Variants in XKR3 observed in about 807,000 individuals in gnomAD.
XKR3 encodes XK-related protein 3.
XKR3 carries 27 observed loss-of-function variants against 40.3 expected under a neutral mutation model. The observed-to-expected ratio is 0.67, with a 90% CI of 0.49 to 0.92. The LOEUF is 0.92. Among genes scored for constraint, XKR3 ranks in the 40% least tolerant of loss-of-function variants. The probability of loss-of-function intolerance (pLI) is 0.00; values close to 1 mark genes in which losing one functional copy is unlikely to be tolerated. For synonymous variants in XKR3, 193 were observed against 195.4 expected (o/e 0.99, Z 0.10); for missense variants, 472 against 537.6 (o/e 0.88, Z 1.21).
rs9605146 is a variant in XKR3, at chr22:16,784,304, G to A, written c.695C>T (p.Pro232Leu). 610,965 of 1,613,668 alleles carry A rather than the reference G, an allele frequency of 0.38. 117,528 individuals are homozygous for A. The highest frequency in any genetic ancestry group is 0.45 in the African/African-American group (33,724 of 74,940). Residue 232 changes from proline (P) to leucine (L), a missense_variant, in exon 4 of 4, where the codon CCG becomes CTG. Pro to Leu is a moderately conservative substitution (Grantham distance 98). Transcript: ENST00000684488. ...CATCACGACACAGAAGAATTCTATC[G>A]GCGGTAGCTTAATGGTAGTATCATC... ...SNDDTTIKLP[P>L]IEFFCVVMWR...
rs1318762536 is a variant in XKR3 at position 16,799,804 on chromosome 22, T to G, written c.556A>C (p.Ser186Arg). 1 of 1,614,128 alleles carries G rather than the reference T, an allele frequency of 6.2e-7. No individual in the cohort carries two copies. The highest frequency in any genetic ancestry group is 1.1e-5 in the South Asian group (1 of 91,078). Residue 186 changes from serine to arginine, a missense_variant, in exon 3 of 4, where the codon AGT (serine) becomes CGT (arginine). Coordinates refer to ENST00000684488, the MANE Select transcript of XKR3 (RefSeq NM_001386955.1). ...VPQLILQMYI[S>R]LTIREWPLNR... is the part of the protein sequence containing the mutation. Reference sequence around the variant, plus strand: ...AAAGGCCATTCTCGTATAGTGAGACTGATATACATCTGCAAAATTAATTGT... The same window carrying G: ...AAAGGCCATTCTCGTATAGTGAGACGGATATACATCTGCAAAATTAATTGT...
intron 1 of XKR3, among the ~76,000 whole-genome samples, chr22:16,822,076 C>CA (rs2060259109): frequency 6.6e-6 from 1 of 151,874 alleles, no homozygotes; most frequent in South Asian, 2.1e-4. Flanking sequence ...TATAAAATGA[C>CA]AAAAACTGAA....
intron 1 of XKR3, among the ~76,000 whole-genome samples, chr22:16,817,039 CTT>C (rs1470874680): frequency 6.6e-6 from 1 of 152,042 alleles, no homozygotes; most frequent in Non-Finnish European, 1.5e-5. Context: ...AACTGGCAAA[CTT>C]ACTTTCAGAT....
Position 16,817,223 on chromosome 22 carries a change from A to C in XKR3, c.-11+8068T>G, listed in dbSNP as rs375756657. Among the ~76,000 whole-genome samples the C allele has an allele frequency of 9.3e-4, 142 of 152,120 alleles. 1 individual carries two copies. The highest frequency in any genetic ancestry group is 3.1e-3 in the African/African-American group (128 of 41,548). On this transcript the variant is annotated intron_variant, in intron 1 of 3. Transcript: ENST00000684488. ...TCCTACTCACCTGTTTTGCCTTTAG[A>C]TTCCATTTATTCATCTCAGAGAACA... is the stretch of plus-strand genomic sequence containing the variant.
intron 1 of XKR3, among the ~76,000 whole-genome samples, chr22:16,824,608 A>T (rs2060267269): frequency 6.6e-6 from 1 of 152,134 alleles, no homozygotes; most frequent in African/African-American, 2.4e-5. Flanking sequence ...AACTGCAGAG[A>T]CATCAGAGTT....
intron 1 of XKR3, among the ~76,000 whole-genome samples, chr22:16,811,219 G>T (rs2060211167): frequency 6.6e-6 from 1 of 150,922 alleles, no homozygotes; most frequent in African/African-American, 2.4e-5. Flanking sequence ...TGCCTCTTGG[G>T]TTCAGGCGAT....
At chr22:16,797,659 G>A (rs2060147530) in intron 3 of XKR3, among the ~76,000 whole-genome samples, 1 of 151,838 alleles carries the variant, frequency 6.6e-6, no homozygotes, top group Non-Finnish European at 1.5e-5. Context: ...TGGGCATGGT[G>A]GTGGGCACCT....
chr22:16,806,403 T>C (rs149665170), intron 2 of XKR3, among the ~76,000 whole-genome samples: 3 of 151,988 alleles, frequency 2.0e-5, no homozygotes, highest in Non-Finnish European at 4.4e-5. Context: ...GTTTATATAA[T>C]TCATATATAA....
chr22:16,784,099 C>T lies in XKR3; in HGVS notation c.900G>A (p.Met300Ile), dbSNP rs1348736204. 3 of 1,614,150 alleles carry T rather than the reference C, an allele frequency of 1.9e-6. No homozygotes were observed. Among genetic ancestry groups the T allele is most frequent in the East Asian group, 4.5e-5 (2 of 44,884 alleles). ...AGAAAAGCATCAGTACTGTACCCAC[C>T]ATATTGGAATTATTTTCTTTGTTGC... is the stretch of plus-strand genomic sequence containing the variant. ...LPGNKENNSNMVGTVLMLFLI... is the reference protein window; with the variant it reads ...LPGNKENNSNIVGTVLMLFLI... Residue 300 changes from methionine (M) to isoleucine (I), a missense_variant, in exon 4 of 4, where the codon ATG (methionine) becomes ATA (isoleucine). Coordinates refer to ENST00000684488, the MANE Select transcript of XKR3 (RefSeq NM_001386955.1).
chr22:16,811,748 C>T (rs1279119773), intron 1 of XKR3, among the ~76,000 whole-genome samples: 4 of 152,104 alleles, frequency 2.6e-5, no homozygotes, highest in Non-Finnish European at 4.4e-5. Context: ...GTGGCTCACG[C>T]CTGAAATCCC....
At chr22:16,824,051 G>T (rs1342172586) in intron 1 of XKR3, among the ~76,000 whole-genome samples, 2 of 152,180 alleles carry the variant, frequency 1.3e-5, no homozygotes, top group East Asian at 3.8e-4. Context: ...ATAATTTGTT[G>T]CTTGCAAATA....
At chr22:16,786,606 G>T (rs1795118486) in intron 3 of XKR3, among the ~76,000 whole-genome samples, 1 of 152,182 alleles carries the variant, frequency 6.6e-6, no homozygotes, top group Admixed American at 6.5e-5. Flanking sequence ...GTGGGCTACA[G>T]GTGCAACCTG....
chr22:16,783,614 A>G lies in XKR3; in HGVS notation c.*5T>C. On this transcript the variant is annotated 3_prime_UTR_variant, in exon 4 of 4. Transcript: ENST00000684488. ...CATTGTTCTGTGAAAGTATATATGT[A>G]TATTTTATGAACATGTCATACTTTT... 1 of 1,561,060 alleles carries G rather than the reference A, an allele frequency of 6.4e-7. No individual in the cohort carries two copies. The highest frequency in any genetic ancestry group is 1.9e-5 in the Admixed American group (1 of 53,768).
At chr22:16,809,764 T>C (rs769216535) in intron 1 of XKR3, among the ~76,000 whole-genome samples, 1 of 152,172 alleles carries the variant, frequency 6.6e-6, no homozygotes, top group Non-Finnish European at 1.5e-5. Flanking sequence ...TAAATTCCTA[T>C]CATTGTTTAT....
chr22:16,804,492 A>G (rs1413597323), intron 2 of XKR3, among the ~76,000 whole-genome samples: 1 of 152,096 alleles, frequency 6.6e-6, no homozygotes, highest in African/African-American at 2.4e-5. Context: ...ATCTCTATTA[A>G]TTTCCCCAGA....
rs117591957 is a variant in XKR3, at chr22:16,817,861, T to C, written c.-11+7430A>G. 7.3e-3 allele frequency among the ~76,000 whole-genome samples: 1,108 copies of C among 152,308 alleles called. 8 individuals are homozygous for C. The highest frequency in any genetic ancestry group is 0.013 in the African/African-American group (550 of 41,576). ...ACTAGAAACAAGTGCTTGATTTCAA[T>C]TGAATTATTTGTTACTTAACAAATA... On this transcript the variant is annotated intron_variant, in intron 1 of 3. Transcript: ENST00000684488.
At chr22:16,815,704 A>G (rs2060230463) in intron 1 of XKR3, among the ~76,000 whole-genome samples, 2 of 152,108 alleles carry the variant, frequency 1.3e-5, no homozygotes, top group Admixed American at 6.5e-5. Context: ...TGTTAATTGC[A>G]AAGTATTCCT....
At chr22:16,799,237 C>G (rs756513715) in intron 3 of XKR3, among the ~76,000 whole-genome samples, 1 of 151,278 alleles carries the variant, frequency 6.6e-6, no homozygotes, top group South Asian at 2.1e-4. Context: ...CACAGTGAAA[C>G]CCGATCTCTA....
chr22:16,796,901 C>A (rs372429940), intron 3 of XKR3, among the ~76,000 whole-genome samples: 2 of 152,190 alleles, frequency 1.3e-5, no homozygotes, highest in South Asian at 4.1e-4. Flanking sequence ...AGTGATGTTA[C>A]ACTACCTGAC....
Sources: allele counts gnomAD v4.1 joint callset (sites outside exome capture counted in the v4.1 genomes callset), GRCh38; gene constraint gnomAD v4.1.1; transcripts MANE v1.5; gene names NCBI Gene and HGNC (gene_info 2026-07-23, HGNC 2026-07-21).